Variants in PIBF1 observed in about 807,000 individuals in gnomAD.
PIBF1 encodes progesterone immunomodulatory binding factor 1, also known as progesterone-induced-blocking factor 1.
A neutral mutation model predicts 112.5 loss-of-function variants in PIBF1; 90 were observed. The ratio of observed to expected loss-of-function variants is 0.80; its 90% CI spans 0.67 to 0.95. The LOEUF (loss-of-function observed/expected upper bound fraction) is 0.95, where lower values mean the gene tolerates loss of function less well. Among genes scored for constraint, PIBF1 ranks in the 40% least tolerant of loss-of-function variants. The pLI, the probability that PIBF1 is intolerant of heterozygous loss-of-function variation, is 0.00. For synonymous variants in PIBF1, 301 were observed against 288.6 expected, an observed-to-expected ratio of 1.04 and a Z score of -0.44; for missense variants, 915 against 852.3, an observed-to-expected ratio of 1.07 and a Z score of -0.92.
At chr13:72,851,298 C>T (rs1012581421) in intron 9 of PIBF1, among the ~76,000 whole-genome samples, 2 of 152,252 alleles carry the variant, frequency 1.3e-5, no homozygotes, top group African/African-American at 4.8e-5. Flanking sequence ...CCTTCCCCCA[C>T]GGGTTCAGAA....
chr13:72,908,737 C>G, intron 12 of PIBF1, 56 bp downstream of exon 12: 1 of 1,475,956 alleles, frequency 6.8e-7, no homozygotes. Flanking sequence ...CAACAAAAGA[C>G]GCCTGACCTT....
intron 13 of PIBF1, among the ~76,000 whole-genome samples, chr13:72,927,962 CATATATATATATAT>C (rs1201066012): frequency 4.9e-5 from 5 of 101,362 alleles, no homozygotes; most frequent in Non-Finnish European, 7.6e-5. Flanking sequence ...TATATATACA[CATATATATATATAT>C]ACATATATAT....
intron 9 of PIBF1, 126 bp downstream of exon 9, chr13:72,835,494 A>G: frequency 1.5e-6 from 1 of 663,974 alleles, no homozygotes; most frequent in South Asian, 3.1e-5. Flanking sequence ...CTTGTCATAA[A>G]TTGAAATCTA....
At chr13:72,797,508 A>G (rs2035252571) in intron 4 of PIBF1, among the ~76,000 whole-genome samples, 1 of 152,214 alleles carries the variant, frequency 6.6e-6, no homozygotes, top group Non-Finnish European at 1.5e-5. Flanking sequence ...TCAGAGACCT[A>G]TAGGGAGACA....
At chr13:72,971,826 C>T (rs187831447) in intron 15 of PIBF1, among the ~76,000 whole-genome samples, 5 of 151,922 alleles carry the variant, frequency 3.3e-5, no homozygotes, top group Admixed American at 6.6e-5. Context: ...GCATCTAGTC[C>T]GTCTCCTCAG....
intron 14 of PIBF1, among the ~76,000 whole-genome samples, chr13:72,949,296 C>CTTTTTTTTTTTTT (rs1566481258): frequency 9.0e-6 from 1 of 110,906 alleles, no homozygotes; most frequent in African/African-American, 3.5e-5. Context: ...AGACAAATAG[C>CTTTTTTTTTTTTT]TGTCTTTTTT....
intron 14 of PIBF1, among the ~76,000 whole-genome samples, chr13:72,962,365 G>A (rs1412046520): frequency 6.6e-6 from 1 of 152,114 alleles, no homozygotes; most frequent in Non-Finnish European, 1.5e-5. Flanking sequence ...AAAGGCCAAG[G>A]CCAGAAGAAT....
intron 11 of PIBF1, among the ~76,000 whole-genome samples, chr13:72,902,920 C>T (rs2040552501): frequency 6.8e-6 from 1 of 147,372 alleles, no homozygotes; most frequent in African/African-American, 2.5e-5. Context: ...TTTTTTGAGA[C>T]AGTCTCACTC....
intron 10 of PIBF1, among the ~76,000 whole-genome samples, chr13:72,862,572 G>T (rs528434868): frequency 2.4e-4 from 36 of 152,284 alleles, no homozygotes; most frequent in South Asian, 1.0e-3. Flanking sequence ...AAGATGAAAG[G>T]CTCTCTGTCT....
At chr13:72,848,588 G>A (rs191702475) in intron 9 of PIBF1, among the ~76,000 whole-genome samples, 1 of 152,170 alleles carries the variant, frequency 6.6e-6, no homozygotes, top group African/African-American at 2.4e-5. Flanking sequence ...GCTCACGCCT[G>A]TAGTCCCAGC....
intron 10 of PIBF1, among the ~76,000 whole-genome samples, chr13:72,873,238 A>C (rs9543153): frequency 6.6e-6 from 1 of 152,142 alleles, no homozygotes; most frequent in Non-Finnish European, 1.5e-5. Context: ...TATACAAAAA[A>C]GTGCACCTCC....
At chr13:72,807,290 T>C (rs2035786927) in intron 5 of PIBF1, among the ~76,000 whole-genome samples, 1 of 152,186 alleles carries the variant, frequency 6.6e-6, no homozygotes, top group African/African-American at 2.4e-5. Context: ...AATACATTTA[T>C]TGGGCTGGGC....
chr13:72,903,352 G>A (rs1250479877), intron 11 of PIBF1, among the ~76,000 whole-genome samples: 1 of 152,174 alleles, frequency 6.6e-6, no homozygotes, highest in Non-Finnish European at 1.5e-5. Context: ...TTGATAGTAT[G>A]CAGTACTTTG....
intron 6 of PIBF1, among the ~76,000 whole-genome samples, chr13:72,825,806 C>G (rs775859762): frequency 6.6e-6 from 1 of 151,782 alleles, no homozygotes; most frequent in African/African-American, 2.4e-5. Context: ...CGTGTCATGT[C>G]TGTAATCCTA....
intron 10 of PIBF1, among the ~76,000 whole-genome samples, chr13:72,862,063 A>G (rs963028677): frequency 6.6e-6 from 1 of 152,202 alleles, no homozygotes; most frequent in African/African-American, 2.4e-5. Flanking sequence ...GACAGTATAT[A>G]TTCATCTTCA....
rs71099771 is a variant in PIBF1 at position 72,949,300 on chromosome 13, C to CTTTTTTTTTTTTTTTTT, written c.1834-15957_1834-15941dup. ...AACTACTACCTAGACAAATAGCTGT[C>CTTTTTTTTTTTTTTTTT]TTTTTTTTTTTTTTTTTTTTTTTTT... On this transcript the variant is annotated intron_variant, in intron 14 of 17. Transcript: ENST00000326291. Among the ~76,000 whole-genome samples, 19 of 54,980 alleles carry CTTTTTTTTTTTTTTTTT rather than the reference C, an allele frequency of 3.5e-4. 4 individuals carry two copies. Among genetic ancestry groups the CTTTTTTTTTTTTTTTTT allele is most frequent in the Non-Finnish European group, 5.1e-4 (16 of 31,598 alleles). The allele number at this position is 54,980 out of a possible 152,430, so 36.1% of individuals were successfully genotyped here.
chr13:72,869,508 G>C (rs916339100), intron 10 of PIBF1, among the ~76,000 whole-genome samples: 7 of 151,022 alleles, frequency 4.6e-5, no homozygotes, highest in Admixed American at 6.6e-5. Context: ...GGAGATATAC[G>C]TAATGCTAAA....
Position 72,973,577 on chromosome 13 carries a change from G to GTTT in PIBF1, c.1965-6_1965-4dup. 6.6e-6 allele frequency: 8 copies of GTTT among 1,208,300 alleles called. No homozygotes were observed. Among genetic ancestry groups the GTTT allele is most frequent in the African/African-American group, 1.6e-5 (1 of 62,590 alleles). The allele number at this position is 1,208,300 out of a possible 1,614,324, so 74.8% of individuals were successfully genotyped here. On this transcript the variant is annotated splice_polypyrimidine_tract_variant and intron_variant, in intron 15 of 17. Transcript: ENST00000326291. Reference sequence around the variant, plus strand: ...AACATAATGACTTTTTAAAACTGGGGTTTTTTTTTTCAGCAACTTAAATAA... The same window carrying GTTT: ...AACATAATGACTTTTTAAAACTGGGGTTTTTTTTTTTTTCAGCAACTTAAATAA...
chr13:72,933,756 T>C (rs2041782170), intron 14 of PIBF1, among the ~76,000 whole-genome samples: 1 of 152,226 alleles, frequency 6.6e-6, no homozygotes, highest in African/African-American at 2.4e-5. Context: ...CTCCTATAAT[T>C]AAGTATAATT....
Sources: gnomAD v4.1 joint callset for allele counts (sites outside exome capture counted in the v4.1 genomes callset) on GRCh38, gnomAD v4.1.1 for gene constraint, MANE v1.5 for transcripts, NCBI Gene and HGNC (gene_info 2026-07-23, HGNC 2026-07-21) for gene names.